Variants in STK33 observed in about 807,000 individuals in gnomAD.
STK33 encodes the protein serine/threonine kinase 33.
Under a neutral mutation model 58.0 loss-of-function variants are expected in STK33, and 52 were observed. The observed-to-expected ratio is 0.90, with a 90% CI of 0.72 to 1.13. The LOEUF is 1.13. Ranked by LOEUF, STK33 falls within the 50% of genes most tolerant of loss-of-function variation. STK33 has a pLI of 0.00. For synonymous variants in STK33, 215 were observed against 200.1 expected, an observed-to-expected ratio of 1.07 and a Z score of -0.63; for missense variants, 630 against 604.2, an observed-to-expected ratio of 1.04 and a Z score of -0.45.
At chr11:8,498,077 T>C (rs1456185566) in intron 1 of STK33, among the ~76,000 whole-genome samples, 1 of 152,178 alleles carries the variant, frequency 6.6e-6, no homozygotes, top group Non-Finnish European at 1.5e-5. Context: ...CAATGTAGTA[T>C]ACTATATTAA....
At chr11:8,393,178 C>T (rs886798122) in intron 15 of STK33, among the ~76,000 whole-genome samples, 1 of 152,228 alleles carries the variant, frequency 6.6e-6, no homozygotes, top group Non-Finnish European at 1.5e-5. Context: ...CAGAGACTGG[C>T]TTCTAATCCC....
At chr11:8,484,686 T>C (rs1189345091) in intron 1 of STK33, among the ~76,000 whole-genome samples, 1 of 152,218 alleles carries the variant, frequency 6.6e-6, no homozygotes, top group Non-Finnish European at 1.5e-5. Context: ...TATTTGACTA[T>C]ATTATACCTT....
At chr11:8,500,673 T>C (rs767167195) in intron 1 of STK33, among the ~76,000 whole-genome samples, 8 of 152,164 alleles carry the variant, frequency 5.3e-5, no homozygotes, top group Non-Finnish European at 8.8e-5. Context: ...TTTGTAGAAA[T>C]TGACAAGATA....
intron 14 of STK33, among the ~76,000 whole-genome samples, chr11:8,434,430 A>C (rs1026368038): frequency 6.6e-6 from 1 of 152,122 alleles, no homozygotes. Context: ...CAGTTCTCAG[A>C]AAAATTTCTG....
chr11:8,462,924 G>A (rs962621845), intron 7 of STK33, among the ~76,000 whole-genome samples: 10 of 152,132 alleles, frequency 6.6e-5, no homozygotes, highest in African/African-American at 2.4e-4. Flanking sequence ...CCCTGCAAGG[G>A]ATAAAAAAGG....
At chr11:8,548,381 A>T (rs547057994) in intron 1 of STK33, among the ~76,000 whole-genome samples, 31 of 152,220 alleles carry the variant, frequency 2.0e-4, no homozygotes, top group African/African-American at 7.0e-4. Flanking sequence ...TCCACAGTGT[A>T]TGTTTCTGGA....
At chr11:8,554,418 C>CAA (rs35967209) in intron 1 of STK33, among the ~76,000 whole-genome samples, 78 of 58,434 alleles carry the variant, frequency 1.3e-3, no homozygotes, top group Admixed American at 1.9e-3. Context: ...GACTCCATCT[C>CAA]AAAAAAAAAA....
intron 1 of STK33, among the ~76,000 whole-genome samples, chr11:8,486,260 T>A (rs1389531270): frequency 6.6e-6 from 1 of 152,216 alleles, no homozygotes; most frequent in Non-Finnish European, 1.5e-5. Context: ...TAACATGACA[T>A]ACAGGAGCCT....
intron 12 of STK33, among the ~76,000 whole-genome samples, chr11:8,437,825 T>C (rs1249471381): frequency 6.6e-6 from 1 of 152,200 alleles, no homozygotes; most frequent in African/African-American, 2.4e-5. Flanking sequence ...ACCAATAGGT[T>C]CTTACTAAGT....
Position 8,521,019 on chromosome 11 carries a change from T to G in STK33, c.-465-40405A>C, listed in dbSNP as rs1051408149. Among the ~76,000 whole-genome samples the G allele has an allele frequency of 1.1e-4, 17 of 149,750 alleles. No individual in the cohort carries two copies. The South Asian group carries it at 3.5e-3, about 31-fold the overall frequency. ...TATAATTTATAAGGTAATTTATAAT[T>G]TATTATATTTATTTATAAATAAATA... On this transcript the variant is annotated intron_variant, in intron 1 of 15. Coordinates refer to ENST00000687296, the MANE Select transcript of STK33 (RefSeq NM_001352389.2).
At chr11:8,466,396 A>G (rs1948185365) in intron 6 of STK33, 1 of 152,238 alleles carries the variant, frequency 6.6e-6, no homozygotes, top group Non-Finnish European at 1.5e-5. Flanking sequence ...AATTGGCCAA[A>G]ACAAAAAGGC....
chr11:8,420,892 C>G (rs868104113), intron 14 of STK33, among the ~76,000 whole-genome samples: 1 of 150,754 alleles, frequency 6.6e-6, no homozygotes, highest in African/African-American at 2.4e-5. Context: ...CTCAGCTACC[C>G]AGGAGGCTGA....
At chr11:8,515,107 G>A (rs1244682632) in intron 1 of STK33, among the ~76,000 whole-genome samples, 1 of 151,804 alleles carries the variant, frequency 6.6e-6, no homozygotes, top group African/African-American at 2.4e-5. Context: ...ATTAAATCAA[G>A]GAGAAAATAC....
chr11:8,366,117 C>T, the STK33 span, among the ~76,000 whole-genome samples: 1 of 152,204 alleles, frequency 6.6e-6, no homozygotes, highest in African/African-American at 2.4e-5. Context: ...ACCACTACAA[C>T]CTTGTGGGAT....
chr11:8,590,357 G>A (rs1290953233), intron 1 of STK33, among the ~76,000 whole-genome samples: 1 of 152,054 alleles, frequency 6.6e-6, no homozygotes, highest in Non-Finnish European at 1.5e-5. Flanking sequence ...CATATGATCA[G>A]CACCCCATAA....
chr11:8,499,455 G>A (rs749936519), intron 1 of STK33, among the ~76,000 whole-genome samples: 2 of 152,132 alleles, frequency 1.3e-5, no homozygotes, highest in Non-Finnish European at 2.9e-5. Flanking sequence ...AAATAGGAGC[G>A]CTGTTACACT....
At chr11:8,355,150 A>T in the STK33 span, among the ~76,000 whole-genome samples, 37 of 151,970 alleles carry the variant, frequency 2.4e-4, no homozygotes, top group Non-Finnish European at 4.9e-4. Context: ...TCCCACAGAG[A>T]CCCTTCCCAT....
intron 1 of STK33, among the ~76,000 whole-genome samples, chr11:8,564,292 G>A (rs2140991746): frequency 6.6e-6 from 1 of 152,266 alleles, no homozygotes; most frequent in East Asian, 1.9e-4. Context: ...AGAGACAGAT[G>A]ACTTTGGGCA....
At chr11:8,551,219 TC>T (rs951088138) in intron 1 of STK33, among the ~76,000 whole-genome samples, 1 of 152,064 alleles carries the variant, frequency 6.6e-6, no homozygotes. Flanking sequence ...AACCTTTGCC[TC>T]CTGGGTTCAA....
Sources: allele counts gnomAD v4.1 joint callset (sites outside exome capture counted in the v4.1 genomes callset), GRCh38; gene constraint gnomAD v4.1.1; transcripts MANE v1.5; gene names NCBI Gene and HGNC (gene_info 2026-07-23, HGNC 2026-07-21).